APBB2: variants seen among roughly 807,000 people sequenced by gnomAD.
APBB2 encodes the protein amyloid beta precursor protein binding family B member 2, also known as Fe65-like 1.
APBB2 carries 38 observed loss-of-function variants against 82.5 expected under a neutral mutation model. That is an observed-to-expected ratio of 0.46 (90% confidence interval 0.36 to 0.60). The LOEUF (loss-of-function observed/expected upper bound fraction) is 0.60, where lower values mean the gene tolerates loss of function less well. Ranked by LOEUF, APBB2 falls within the 20% of genes least tolerant of loss-of-function variation. The probability of loss-of-function intolerance (pLI) is 0.00; values close to 1 mark genes in which losing one functional copy is unlikely to be tolerated. For missense variants in APBB2, 772 were observed against 972.3 expected (o/e 0.79, Z 2.74); for synonymous variants, 341 against 368.2 (o/e 0.93, Z 0.85).
At chr4:40,880,258 G>A (rs1768087840) in intron 12 of APBB2, 1 of 985,380 alleles carries the variant, frequency 1.0e-6, no homozygotes, top group Non-Finnish European at 1.2e-6. Context: ...TCGACACAAT[G>A]AGACTCCTTG....
chr4:40,827,983 G>C (rs1048344454), intron 13 of APBB2, among the ~76,000 whole-genome samples: 1 of 152,152 alleles, frequency 6.6e-6, no homozygotes, highest in Non-Finnish European at 1.5e-5. Context: ...AAGAGCTGAT[G>C]GTTTGACAAG....
At chr4:41,136,433 A>G (rs893915855) in intron 2 of APBB2, among the ~76,000 whole-genome samples, 1 of 152,368 alleles carries the variant, frequency 6.6e-6, no homozygotes, top group Admixed American at 6.5e-5. Context: ...TTAAATGAAC[A>G]ATAAAAAAGA....
chr4:41,051,872 T>C (rs544212147), intron 4 of APBB2, among the ~76,000 whole-genome samples: 12 of 152,184 alleles, frequency 7.9e-5, no homozygotes, highest in Non-Finnish European at 1.6e-4. Flanking sequence ...TGAGTGTCTC[T>C]TTAGGTAAGT....
At chr4:41,138,517 C>A (rs1400772898) in intron 2 of APBB2, among the ~76,000 whole-genome samples, 1 of 151,810 alleles carries the variant, frequency 6.6e-6, no homozygotes, top group Non-Finnish European at 1.5e-5. Context: ...ACAAAAGAAA[C>A]AACCCAATAT....
intron 10 of APBB2, among the ~76,000 whole-genome samples, chr4:40,924,510 C>G (rs566766200): frequency 1.3e-5 from 2 of 152,318 alleles, no homozygotes; most frequent in East Asian, 1.9e-4. Context: ...CTTTCCTCAC[C>G]TGGTGGCTTC....
At chr4:41,033,584 T>TCACACACACACACACACA (rs71915197) in intron 4 of APBB2, among the ~76,000 whole-genome samples, 8 of 130,824 alleles carry the variant, frequency 6.1e-5, no homozygotes, top group East Asian at 4.3e-4. Flanking sequence ...CTTTTTCTCA[T>TCACACACACACACACACA]CACACACACA....
chr4:41,164,738 C>G (rs1160290643), intron 1 of APBB2, among the ~76,000 whole-genome samples: 2 of 152,222 alleles, frequency 1.3e-5, no homozygotes, highest in Non-Finnish European at 2.9e-5. Flanking sequence ...CTACATCACA[C>G]TAGCTTTAAC....
At chr4:41,190,619 A>T (rs1205296716) in intron 1 of APBB2, among the ~76,000 whole-genome samples, 1 of 152,182 alleles carries the variant, frequency 6.6e-6, no homozygotes, top group Non-Finnish European at 1.5e-5. Flanking sequence ...GCAAGTATCC[A>T]GCATGGAAAA....
At chr4:40,893,985 C>CA (rs1177644160) in intron 10 of APBB2, among the ~76,000 whole-genome samples, 1 of 135,690 alleles carries the variant, frequency 7.4e-6, no homozygotes. Context: ...ACAACAACAA[C>CA]AAAAAAAGAA....
chr4:41,032,948 C>A (rs1428752740), intron 5 of APBB2, among the ~76,000 whole-genome samples: 1 of 150,912 alleles, frequency 6.6e-6, no homozygotes, highest in Non-Finnish European at 1.5e-5. Context: ...CCATGCCCGG[C>A]TAATTTTTGT....
At chr4:40,859,591 A>T (rs1019168886) in intron 12 of APBB2, among the ~76,000 whole-genome samples, 12 of 152,212 alleles carry the variant, frequency 7.9e-5, no homozygotes, top group African/African-American at 2.9e-4. Flanking sequence ...TTCAAAACAA[A>T]AACAAAAATC....
chr4:41,175,119 A>G (rs567309415), intron 1 of APBB2, among the ~76,000 whole-genome samples: 106 of 152,344 alleles, frequency 7.0e-4, no homozygotes, highest in Non-Finnish European at 1.2e-3. Context: ...CAGCCTAGTT[A>G]GATAGGTTAA....
intron 10 of APBB2, among the ~76,000 whole-genome samples, chr4:40,918,720 TCCTC>T (rs541666022): frequency 2.6e-3 from 367 of 143,688 alleles, no homozygotes; most frequent in African/African-American, 8.0e-3. Context: ...CTTCCTTCCT[TCCTC>T]CCTCCCTCCC....
Position 41,095,365 on chromosome 4 carries a change from C to G in APBB2, c.-149+5274G>C, listed in dbSNP as rs929952793. Among the ~76,000 whole-genome samples the G allele has an allele frequency of 3.3e-5, 5 of 152,342 alleles. 1 individual carries two copies. Among genetic ancestry groups the G allele is most frequent in the Admixed American group, 3.3e-4 (5 of 15,308 alleles). On this transcript the variant is annotated intron_variant, in intron 3 of 17. Transcript: ENST00000508593. Reference sequence around the variant, plus strand: ...TCCCAGATCTATCATTTCTCCATCTCTCATATTTCACCCCTTCTCTTAACT... The same window carrying G: ...TCCCAGATCTATCATTTCTCCATCTGTCATATTTCACCCCTTCTCTTAACT...
intron 6 of APBB2, among the ~76,000 whole-genome samples, chr4:41,009,298 A>G (rs1240761859): frequency 6.7e-6 from 1 of 148,540 alleles, no homozygotes; most frequent in African/African-American, 2.6e-5. Flanking sequence ...TTTTAGAATC[A>G]GGGCCAAGGC....
intron 6 of APBB2, among the ~76,000 whole-genome samples, chr4:40,966,507 T>C (rs1359676533): frequency 6.6e-6 from 1 of 152,176 alleles, no homozygotes; most frequent in African/African-American, 2.4e-5. Context: ...CAGCTGCTAA[T>C]GTGGACCCAG....
intron 1 of APBB2, among the ~76,000 whole-genome samples, chr4:41,205,561 A>G (rs565794397): frequency 6.6e-6 from 1 of 152,350 alleles, no homozygotes; most frequent in Non-Finnish European, 1.5e-5. Flanking sequence ...AATAAAGCCA[A>G]CGGACAAAAA....
intron 6 of APBB2, among the ~76,000 whole-genome samples, chr4:40,982,364 AAGGAAGGAAGG>A (rs1280878582): frequency 6.1e-5 from 1 of 16,432 alleles, no homozygotes; most frequent in African/African-American, 2.3e-4. Flanking sequence ...GGAAGGAAGG[AAGGAAGGAAGG>A]AAGGAAGGAA....
chr4:40,936,664 G>A (rs1178719411), intron 7 of APBB2, among the ~76,000 whole-genome samples: 2 of 152,060 alleles, frequency 1.3e-5, no homozygotes, highest in Non-Finnish European at 2.9e-5. Context: ...TTTTGGTCTA[G>A]GCACCTAAAC....
Sources: allele counts gnomAD v4.1 joint callset (sites outside exome capture counted in the v4.1 genomes callset), GRCh38; gene constraint gnomAD v4.1.1; transcripts MANE v1.5; gene names NCBI Gene and HGNC (gene_info 2026-07-23, HGNC 2026-07-21).